Variants in ADPRM observed in about 807,000 individuals in gnomAD.
ADPRM encodes the protein manganese-dependent ADP-ribose/CDP-alcohol diphosphatase.
ADPRM carries 17 observed loss-of-function variants against 27.2 expected under a neutral mutation model. The observed-to-expected ratio is 0.63, with a 90% CI of 0.43 to 0.94. The LOEUF (loss-of-function observed/expected upper bound fraction) is 0.94. Among genes scored for constraint, ADPRM ranks in the 40% least tolerant of loss-of-function variants. The pLI is 0.00. For missense variants in ADPRM, 337 were observed against 412.8 expected (o/e 0.82, Z 1.59); for synonymous variants, 135 against 145.3 (o/e 0.93, Z 0.51).
chr17:10,705,453 C>T lies in ADPRM; in HGVS notation c.527C>T (p.Ser176Phe). The T allele has an allele frequency of 6.2e-7, 1 of 1,614,030 alleles. No homozygotes were observed. The highest frequency in any genetic ancestry group is 8.5e-7 in the Non-Finnish European group (1 of 1,180,024). Residue 176 changes from serine to phenylalanine, a missense_variant, in exon 2 of 4, where the codon TCT becomes TTT. Physicochemically the swap from Ser to Phe is radical, Grantham distance 155. Coordinates refer to ENST00000379774, the MANE Select transcript of ADPRM (RefSeq NM_020233.5). This position sits in a 1 kb window ranked among gnomAD's most constrained non-coding sequence, Gnocchi z 5.4. ...TTGAGTGTCTTGGGCGTGGATCAGT[C>T]TTCTCCAAAATACGAGCAGTGTATG... is the stretch of plus-strand genomic sequence containing the variant. ...YDLSVLGVDQ[S>F]SPKYEQCMKI... is the part of the protein sequence containing the mutation.
In ADPRM at chr17:10,711,126, A is replaced by G; in HGVS notation, c.1011A>G (p.Glu337=). Residue 337 remains glutamate, a synonymous_variant, in exon 4 of 4, where the codon GAA becomes GAG. Transcript: ENST00000379774. ...VPDRIMNYKK[E]RAFHC is the part of the protein sequence containing the mutation. ...ATAGAATTATGAATTACAAGAAAGA[A>G]AGAGCCTTCCATTGTTAGTCTAATT... 1 of 1,606,802 alleles carries G rather than the reference A, an allele frequency of 6.2e-7. No individual in the cohort carries two copies. The highest frequency in any genetic ancestry group is 2.2e-5 in the East Asian group (1 of 44,736).
At position 10,705,354 on chromosome 17, in the gene ADPRM, C is replaced by G. The variant is rs2074806133; in HGVS notation, c.428C>G (p.Pro143Arg). 2 of 1,613,924 alleles carry G rather than the reference C, an allele frequency of 1.2e-6. No homozygotes were observed. The highest frequency in any genetic ancestry group is 1.7e-6 in the Non-Finnish European group (2 of 1,179,956). ...ATTGTACATCATCCTGAGACCATGC[C>G]TTCAGAAGATTATTATGCTTATCAT... is the stretch of plus-strand genomic sequence containing the variant. ...DQIVHHPETMPSEDYYAYHFV... is the reference protein window; with the variant it reads ...DQIVHHPETMRSEDYYAYHFV... Residue 143 changes from proline to arginine, a missense_variant, in exon 2 of 4, where the codon CCT becomes CGT. Transcript: ENST00000379774. This position sits in a 1 kb window ranked among gnomAD's most constrained non-coding sequence, Gnocchi z 5.4.
chr17:10,705,593 C>G lies in ADPRM; in HGVS notation c.601+66C>G. 1.9e-6 allele frequency: 3 copies of G among 1,563,078 alleles called. No homozygotes were observed. Among genetic ancestry groups the G allele is most frequent in the Non-Finnish European group, 2.6e-6 (3 of 1,158,734 alleles). On this transcript the variant is annotated intron_variant, in intron 2 of 3. Coordinates refer to ENST00000379774, the MANE Select transcript of ADPRM (RefSeq NM_020233.5). The surrounding 1 kb of genome is among the most constrained non-coding windows in gnomAD (Gnocchi z 5.4). Reference sequence around the variant, plus strand: ...TTAAATTCTTCAGCTACCTTTTATTCAGCAGGAAGATGGACAATTAAGGTA... The same window carrying G: ...TTAAATTCTTCAGCTACCTTTTATTGAGCAGGAAGATGGACAATTAAGGTA...
chr17:10,698,452 A>G (rs2074750338), intron 1 of ADPRM: 1 of 151,366 alleles, frequency 6.6e-6, no homozygotes, highest in Non-Finnish European at 1.5e-5. Flanking sequence ...CCCCGCCCCT[A>G]CCTCGGTGGT....
In ADPRM at chr17:10,710,823, T is replaced by G; in HGVS notation, c.719-11T>G. 3 of 1,610,318 alleles carry G rather than the reference T, an allele frequency of 1.9e-6. No individual in the cohort carries two copies. The highest frequency in any genetic ancestry group is 1.3e-5 in the African/African-American group (1 of 74,884). Reference sequence around the variant, plus strand: ...AATTGGCTCATAACTCTTCTTTTCTTTAACTAACAGGCCATCTTCCCATTT... The same window carrying G: ...AATTGGCTCATAACTCTTCTTTTCTGTAACTAACAGGCCATCTTCCCATTT... On this transcript the variant is annotated splice_polypyrimidine_tract_variant and intron_variant, in intron 3 of 3. Transcript: ENST00000379774.
intron 3 of ADPRM, among the ~76,000 whole-genome samples, chr17:10,708,034 G>A (rs184337601): frequency 5.9e-5 from 9 of 152,232 alleles, no homozygotes; most frequent in Admixed American, 3.3e-4. Context: ...TGGAAGGACA[G>A]GATGCCATTC....
In ADPRM at chr17:10,711,026, C is replaced by T; in HGVS notation, c.911C>T (p.Pro304Leu). Reference protein sequence around the residue: ...VNLEGVIETAPDSQAFGTVHV... With the variant: ...VNLEGVIETALDSQAFGTVHV... ...CTAGAAGGAGTTATTGAAACAGCTC[C>T]AGACAGCCAAGCCTTTGGCACAGTT... is the stretch of plus-strand genomic sequence containing the variant. Residue 304 changes from proline (P) to leucine (L), a missense_variant, in exon 4 of 4, where the codon CCA becomes CTA. Physicochemically the swap from Pro to Leu is moderately conservative, Grantham distance 98. Coordinates refer to ENST00000379774, the MANE Select transcript of ADPRM (RefSeq NM_020233.5). 1.2e-6 allele frequency: 2 copies of T among 1,614,148 alleles called. No individual in the cohort carries two copies. Among genetic ancestry groups the T allele is most frequent in the Non-Finnish European group, 1.7e-6 (2 of 1,180,014 alleles).
intron 1 of ADPRM, among the ~76,000 whole-genome samples, chr17:10,699,513 T>C (rs2151460927): frequency 6.7e-6 from 1 of 148,870 alleles, no homozygotes; most frequent in South Asian, 2.1e-4. Flanking sequence ...ATTTTTCTTT[T>C]CTTTCTTTTT....
Position 10,705,655 on chromosome 17 carries a change from C to A in ADPRM, c.601+128C>A. On this transcript the variant is annotated intron_variant, in intron 2 of 3. Coordinates refer to ENST00000379774, the MANE Select transcript of ADPRM (RefSeq NM_020233.5). The surrounding 1 kb of genome is among the most constrained non-coding windows in gnomAD (Gnocchi z 5.4). ...TCACTTGTTCAGGGTCAGGATTTCT[C>A]ACAAGCCTTCTCACATGGATTGGTT... 7.3e-7 allele frequency: 1 copy of A among 1,364,908 alleles called. No homozygotes were observed. Among genetic ancestry groups the A allele is most frequent in the Non-Finnish European group, 9.7e-7 (1 of 1,027,960 alleles). The allele number at this position is 1,364,908 out of a possible 1,614,324, so 84.5% of individuals were successfully genotyped here.
Position 10,710,850 on chromosome 17 carries a change from C to G in ADPRM, c.735C>G (p.Tyr245Ter). The part of the protein sequence containing the change: ...KVVIVSHLPI[Y>*]PDASDNVCLA... ...AACTAACAGGCCATCTTCCCATTTA[C>G]CCGGACGCCTCTGACAATGTGTGCC... The change falls in exon 4 of 4, where the codon TAC becomes TAG. Residue 245 changes from tyrosine to a stop codon, truncating the protein, a stop_gained. Coordinates refer to ENST00000379774, the MANE Select transcript of ADPRM (RefSeq NM_020233.5). LOFTEE classifies it high-confidence loss of function. 6.2e-7 allele frequency: 1 copy of G among 1,613,938 alleles called. No individual in the cohort carries two copies. The highest frequency in any genetic ancestry group is 2.2e-5 in the East Asian group (1 of 44,880).
chr17:10,707,207 T>C (rs1020671278), intron 3 of ADPRM, among the ~76,000 whole-genome samples: 3 of 151,906 alleles, frequency 2.0e-5, no homozygotes, highest in South Asian at 2.1e-4. Flanking sequence ...CTCTCTCTAC[T>C]AAAAATACAA....
At position 10,699,735 on chromosome 17, in the gene ADPRM, T is replaced by C. The variant is rs922244996; in HGVS notation, c.-18+2068T>C. On this transcript the variant is annotated intron_variant, in intron 1 of 3. Transcript: ENST00000379774. ...TTTTAGTAGAGACAGTGTTTCACCA[T>C]GTTAGCTAGGACGGTCTCGATTTCC... 2.5e-4 allele frequency among the ~76,000 whole-genome samples: 38 copies of C among 152,110 alleles called. 1 individual carries two copies.
In ADPRM at chr17:10,705,226, T is replaced by TA; in HGVS notation, c.303dup (p.Val102SerfsTer11). 6.2e-7 allele frequency: 1 copy of TA among 1,614,150 alleles called. No individual in the cohort carries two copies. The highest frequency in any genetic ancestry group is 8.5e-7 in the Non-Finnish European group (1 of 1,180,014). ...TTGTTATGGACATGTTCAAGAGGCT[T>TA]AAAGTTCCAGTTCATCATACATGGG... is the stretch of plus-strand genomic sequence containing the variant. On this transcript the variant is annotated frameshift_variant, in exon 2 of 4. Coordinates refer to ENST00000379774, the MANE Select transcript of ADPRM (RefSeq NM_020233.5). LOFTEE classifies it high-confidence loss of function. The surrounding 1 kb of genome is among the most constrained non-coding windows in gnomAD (Gnocchi z 5.4).
At position 10,702,590 on chromosome 17, in the gene ADPRM, T is replaced by C. The variant is rs549114722; in HGVS notation, c.-17-2320T>C. ...CTTGTCAGTTCATTTTCTCCAAAAA[T>C]TGAAGCCTTAGTTTATCAGCGTTTG... is the stretch of plus-strand genomic sequence containing the variant. On this transcript the variant is annotated intron_variant, in intron 1 of 3. Transcript: ENST00000379774. This position sits in a 1 kb window ranked among gnomAD's most constrained non-coding sequence, Gnocchi z 4.2. 8.5e-5 allele frequency among the ~76,000 whole-genome samples: 13 copies of C among 152,348 alleles called. No homozygotes were observed. In the East Asian group the frequency reaches 1.7e-3, roughly 20 times the overall value.
At chr17:10,701,656 A>T (rs2074780040) in intron 1 of ADPRM, among the ~76,000 whole-genome samples, 1 of 152,158 alleles carries the variant, frequency 6.6e-6, no homozygotes, top group South Asian at 2.1e-4. Flanking sequence ...ACACACATAA[A>T]AGTAGTTAGA....
chr17:10,699,291 TA>T (rs2074759165), intron 1 of ADPRM: 1 of 151,902 alleles, frequency 6.6e-6, no homozygotes, highest in Admixed American at 6.6e-5. Context: ...AAAATAAATA[TA>T]AAATATAGTT....
Position 10,704,872 on chromosome 17 carries a change from C to A in ADPRM, c.-17-38C>A, listed in dbSNP as rs144976956. On this transcript the variant is annotated intron_variant, in intron 1 of 3. Coordinates refer to ENST00000379774, the MANE Select transcript of ADPRM (RefSeq NM_020233.5). ...CTTAAGTGAAATTGGGAAATTAAAA[C>A]GTTTATAATTTAGTTATCGTCTTTT... The A allele has an allele frequency of 2.7e-4, 389 of 1,429,072 alleles. 2 individuals are homozygous for A. Among genetic ancestry groups the A allele is most frequent in the Non-Finnish European group, 3.5e-4 (376 of 1,059,822 alleles). The allele number at this position is 1,429,072 out of a possible 1,614,324, so 88.5% of individuals were successfully genotyped here.
chr17:10,706,973 A>G (rs1258321210), intron 3 of ADPRM, among the ~76,000 whole-genome samples: 3 of 152,204 alleles, frequency 2.0e-5, no homozygotes, highest in Non-Finnish European at 2.9e-5. Context: ...TTAGTATAAT[A>G]TCACAAGCAG....
At chr17:10,710,080 ACT>A (rs2074841051) in intron 3 of ADPRM, among the ~76,000 whole-genome samples, 2 of 112,098 alleles carry the variant, frequency 1.8e-5, no homozygotes, top group African/African-American at 4.2e-5. Flanking sequence ...CCATGCCTAA[ACT>A]GTTTGTTTAT....
Sources: allele counts gnomAD v4.1 joint callset (sites outside exome capture counted in the v4.1 genomes callset), GRCh38; gene constraint gnomAD v4.1.1; non-coding constraint Gnocchi (gnomAD v3.1); transcripts MANE v1.5; gene names NCBI Gene and HGNC (gene_info 2026-07-23, HGNC 2026-07-21).